The following GPR180 variants were observed in gnomAD, a reference collection of about 807,000 sequenced individuals.
GPR180 encodes G protein-coupled receptor 180.
GPR180 carries 53 observed loss-of-function variants against 52.6 expected under a neutral mutation model. The ratio of observed to expected loss-of-function variants is 1.01; its 90% CI spans 0.81 to 1.27. GPR180 has a LOEUF of 1.27. Among genes scored for constraint, GPR180 ranks in the 50% most tolerant of loss-of-function variants. The probability of loss-of-function intolerance (pLI) is 0.00; values close to 1 mark genes in which losing one functional copy is unlikely to be tolerated. For synonymous variants in GPR180, 200 were observed against 193.1 expected, an observed-to-expected ratio of 1.04 and a Z score of -0.30; for missense variants, 533 against 527.0, an observed-to-expected ratio of 1.01 and a Z score of -0.11.
In GPR180 at chr13:94,602,021, A is replaced by G; in HGVS notation, c.94A>G (p.Thr32Ala). 6.8e-7 allele frequency: 1 copy of G among 1,464,202 alleles called. No homozygotes were observed. Among genetic ancestry groups the G allele is most frequent in the East Asian group, 2.8e-5 (1 of 35,318 alleles). 90.7% of individuals were successfully genotyped at this position (1,464,202 alleles called of 1,614,324 possible). Residue 32 changes from threonine to alanine, a missense_variant, in exon 1 of 9, where the codon ACC becomes GCC. Transcript: ENST00000376958. Reference protein sequence around the residue: ...GKTLRGSFSSTAAQDAQGQRI... With the variant: ...GKTLRGSFSSAAAQDAQGQRI... ...GACCCTGCGGGGCAGCTTCAGCAGC[A>G]CCGCGGCCCAGGACGCCCAGGGCCA...
At chr13:94,603,082 AT>A (rs56263700) in intron 1 of GPR180, among the ~76,000 whole-genome samples, 53 of 148,010 alleles carry the variant, frequency 3.6e-4, no homozygotes, top group South Asian at 1.3e-3. Flanking sequence ...AGGGATCCTG[AT>A]TTTTTTTTTT....
At chr13:94,617,506 A>G (rs1247032711) in intron 3 of GPR180, among the ~76,000 whole-genome samples, 1 of 152,154 alleles carries the variant, frequency 6.6e-6, no homozygotes, top group Non-Finnish European at 1.5e-5. Flanking sequence ...CCCTTCCTGA[A>G]GTCTAAACAT....
Position 94,626,922 on chromosome 13 carries a change from A to G in GPR180, c.1165-91A>G, listed in dbSNP as rs1041927946. ...AGATGAAAGATAGAGTATTGTATTTATATAAAAAGCATATATAGATTCATA... is the reference window on the plus strand; with the variant it reads ...AGATGAAAGATAGAGTATTGTATTTGTATAAAAAGCATATATAGATTCATA... On this transcript the variant is annotated intron_variant, in intron 8 of 8. Coordinates refer to ENST00000376958, the MANE Select transcript of GPR180 (RefSeq NM_180989.6). The G allele has an allele frequency of 2.3e-4, 227 of 974,952 alleles. 1 individual carries two copies. The highest frequency in any genetic ancestry group is 6.8e-4 in the Middle Eastern group (2 of 2,920). The allele number at this position is 974,952 out of a possible 1,614,324, so 60.4% of individuals were successfully genotyped here. A position where few individuals can be genotyped will look rare whatever the true frequency, so the allele number is the denominator to read the frequency against.
chr13:94,614,513 G>A (rs1408956499), intron 3 of GPR180, among the ~76,000 whole-genome samples: 1 of 152,114 alleles, frequency 6.6e-6, no homozygotes, highest in African/African-American at 2.4e-5. Flanking sequence ...TCACATTTGT[G>A]CCCTGTGCCA....
chr13:94,627,374 C>T lies in GPR180; in HGVS notation c.*203C>T, dbSNP rs1658113958. On this transcript the variant is annotated 3_prime_UTR_variant, in exon 9 of 9. Transcript: ENST00000376958. ...AATGTTTTGAAATATACTTAAACAA[C>T]AAACTTTGAAGAAAGTGTTGTTATA... is the stretch of plus-strand genomic sequence containing the variant. The T allele has an allele frequency of 4.3e-6, 2 of 468,088 alleles. No individual in the cohort carries two copies. Among genetic ancestry groups the T allele is most frequent in the South Asian group, 8.2e-5 (2 of 24,332 alleles). The allele number at this position is 468,088 out of a possible 1,614,324, so 29.0% of individuals were successfully genotyped here.
rs200277432 is a variant in GPR180, at chr13:94,623,133, T to C, written c.919T>C (p.Phe307Leu). ...TQSVLLLWEQ[F>L]EDISHHSYHS... is the part of the protein sequence containing the mutation. The stretch of plus-strand genomic sequence containing the variant: ...GAGTGTTTTGCTACTTTGGGAACAG[T>C]TTGAAGATATCAGTCATCATAGCTA... The change falls in exon 7 of 9, where the codon TTT becomes CTT. Residue 307 changes from phenylalanine (F) to leucine (L), a missense_variant. Transcript: ENST00000376958. 1.8e-4 allele frequency: 283 copies of C among 1,613,438 alleles called. No homozygotes were observed. The highest frequency in any genetic ancestry group is 2.3e-4 in the Non-Finnish European group (271 of 1,179,742).
At chr13:94,623,849 C>G (rs1381412581) in intron 7 of GPR180, among the ~76,000 whole-genome samples, 1 of 152,048 alleles carries the variant, frequency 6.6e-6, no homozygotes, top group Non-Finnish European at 1.5e-5. Flanking sequence ...TCAGTTTTGC[C>G]TGGTTCATAG....
chr13:94,612,276 A>G lies in GPR180; in HGVS notation c.391A>G (p.Thr131Ala), dbSNP rs1245788698. ...TWHVFYADKY[T>A]CQDDKENSQV... ...GCATGTGTTTTATGCAGACAAGTAT[A>G]CATGCCAAGATGACAAGGAGAATTC... The change falls in exon 3 of 9, where the codon ACA (threonine) becomes GCA (alanine). Residue 131 changes from threonine to alanine, a missense_variant. Physicochemically the swap from Thr to Ala is moderately conservative, Grantham distance 58 (BLOSUM62 0). Transcript: ENST00000376958. 1 of 1,613,948 alleles carries G rather than the reference A, an allele frequency of 6.2e-7. No homozygotes were observed.
At chr13:94,622,293 T>C (rs1181766414) in intron 6 of GPR180, among the ~76,000 whole-genome samples, 1 of 152,240 alleles carries the variant, frequency 6.6e-6, no homozygotes, top group Admixed American at 6.5e-5. Flanking sequence ...GGTTAAATTC[T>C]CACTTTTTAT....
At chr13:94,605,667 C>A in intron 2 of GPR180, 118 bp downstream of exon 2, 1 of 787,536 alleles carries the variant, frequency 1.3e-6, no homozygotes. Flanking sequence ...ACTGTGATGA[C>A]ACTTTGTCTA....
At chr13:94,615,346 A>G (rs935231664) in intron 3 of GPR180, among the ~76,000 whole-genome samples, 1 of 152,232 alleles carries the variant, frequency 6.6e-6, no homozygotes, top group African/African-American at 2.4e-5. Context: ...TTGATTTGCT[A>G]TGCTTTTTAC....
rs149838476 is a variant in GPR180 at position 94,611,713 on chromosome 13, A to G, written c.305-477A>G. On this transcript the variant is annotated intron_variant, in intron 2 of 8. Transcript: ENST00000376958. ...ACCAAGTACTTCATCATGATCTACGAGACCATGCCCTACAACTACCCATTG... is the reference window on the plus strand; with the variant it reads ...ACCAAGTACTTCATCATGATCTACGGGACCATGCCCTACAACTACCCATTG... Among the ~76,000 whole-genome samples the G allele has an allele frequency of 1.3e-3, 202 of 152,054 alleles. 2 individuals are homozygous for G. Among genetic ancestry groups the G allele is most frequent in the African/African-American group, 4.7e-3 (194 of 41,446 alleles).
At chr13:94,620,057 C>T (rs1302690175) in intron 5 of GPR180, among the ~76,000 whole-genome samples, 4 of 152,152 alleles carry the variant, frequency 2.6e-5, no homozygotes, top group Admixed American at 6.5e-5. Flanking sequence ...TATACATTCT[C>T]TCATCTTATC....
intron 3 of GPR180, among the ~76,000 whole-genome samples, chr13:94,614,159 G>A (rs534204807): frequency 2.0e-5 from 3 of 152,258 alleles, no homozygotes; most frequent in East Asian, 1.9e-4. Flanking sequence ...GTGAGCCACC[G>A]CACACAGCCT....
chr13:94,627,058 A>G lies in GPR180; in HGVS notation c.1210A>G (p.Ile404Val), dbSNP rs1298599401. 3.7e-6 allele frequency: 6 copies of G among 1,611,470 alleles called. No individual in the cohort carries two copies. Among genetic ancestry groups the G allele is most frequent in the Non-Finnish European group, 5.1e-6 (6 of 1,178,470 alleles). The part of the protein sequence containing the change: ...VILCQSVSMV[I>V]LYRLFLSHSL... ...CCTTTGCCAGTCTGTTTCCATGGTTATTCTCTACAGACTCTTTCTGTCTCA... is the reference window on the plus strand; with the variant it reads ...CCTTTGCCAGTCTGTTTCCATGGTTGTTCTCTACAGACTCTTTCTGTCTCA... Residue 404 changes from isoleucine to valine, a missense_variant, in exon 9 of 9, where the codon ATT (isoleucine) becomes GTT (valine). Coordinates refer to ENST00000376958, the MANE Select transcript of GPR180 (RefSeq NM_180989.6).
chr13:94,612,511 GTTAAA>G (rs1889721329), intron 3 of GPR180, 121 bp downstream of exon 3: 3 of 684,670 alleles, frequency 4.4e-6, no homozygotes, highest in South Asian at 3.9e-5. Flanking sequence ...TAGAGAAATG[GTTAAA>G]TTAATCTTCT....
rs555924771 is a variant in GPR180 at position 94,601,927 on chromosome 13, C to A, written c.-1C>A. 6.0e-6 allele frequency: 9 copies of A among 1,487,914 alleles called. No homozygotes were observed. The highest frequency in any genetic ancestry group is 2.8e-5 in the East Asian group (1 of 35,118). The allele number at this position is 1,487,914 out of a possible 1,614,324, so 92.2% of individuals were successfully genotyped here. A position where few individuals can be genotyped will look rare whatever the true frequency, so the allele number is the denominator to read the frequency against. On this transcript the variant is annotated 5_prime_UTR_variant, in exon 1 of 9. Coordinates refer to ENST00000376958, the MANE Select transcript of GPR180 (RefSeq NM_180989.6). Reference sequence around the variant, plus strand: ...GCGTCGGTGCAGACCTGGAGACGGGCATGGGGGGGCTGCGGCTGCTGGCTG... The same window carrying A: ...GCGTCGGTGCAGACCTGGAGACGGGAATGGGGGGGCTGCGGCTGCTGGCTG...
chr13:94,605,264 T>C, intron 1 of GPR180, 127 bp from the exon 2 acceptor site: 1 of 770,252 alleles, frequency 1.3e-6, no homozygotes. Context: ...TTTACCTAGT[T>C]AAGCGAGATT....
intron 4 of GPR180, 28 bp downstream of exon 4, chr13:94,619,358 C>A: frequency 1.9e-6 from 3 of 1,608,838 alleles, no homozygotes; most frequent in Non-Finnish European, 2.6e-6. Flanking sequence ...AAACTGTGTT[C>A]ATCATTACAT....
Sources: gnomAD v4.1 joint callset for allele counts (sites outside exome capture counted in the v4.1 genomes callset) on GRCh38, gnomAD v4.1.1 for gene constraint, MANE v1.5 for transcripts, NCBI Gene and HGNC (gene_info 2026-07-23, HGNC 2026-07-21) for gene names.